Variants in WDR33 observed in about 807,000 individuals in gnomAD.
The protein encoded by WDR33 is WD repeat domain 33.
Under a neutral mutation model 164.9 loss-of-function variants are expected in WDR33, and 47 were observed. The ratio of observed to expected loss-of-function variants is 0.29; its 90% CI spans 0.23 to 0.36. The LOEUF (loss-of-function observed/expected upper bound fraction) is 0.36. Ranked by LOEUF, WDR33 falls within the 10% of genes least tolerant of loss-of-function variation. The pLI is 1.00. For missense variants in WDR33, 1,137 were observed against 1,754.1 expected, an observed-to-expected ratio of 0.65 and a Z score of 6.28; for synonymous variants, 505 against 589.0, an observed-to-expected ratio of 0.86 and a Z score of 2.06.
Position 127,738,341 on chromosome 2 carries a change from T to C in WDR33, c.725-11564A>G, listed in dbSNP as rs141653533. Among the ~76,000 whole-genome samples the C allele has an allele frequency of 7.4e-4, 112 of 152,282 alleles. No homozygotes were observed. In the South Asian group the frequency reaches 0.012, roughly 16 times the overall value. ...AATATCCATTTAGTCCATACTGATATAAGCAAATAACTGAATAAATAAGTG... is the reference window on the plus strand; with the variant it reads ...AATATCCATTTAGTCCATACTGATACAAGCAAATAACTGAATAAATAAGTG... On this transcript the variant is annotated intron_variant, in intron 7 of 21. Coordinates refer to ENST00000322313, the MANE Select transcript of WDR33 (RefSeq NM_018383.5). The surrounding 1 kb of genome is among the most constrained non-coding windows in gnomAD (Gnocchi z 4.4).
At chr2:127,776,148 T>A (rs1200588477) in intron 1 of WDR33, among the ~76,000 whole-genome samples, 1 of 152,160 alleles carries the variant, frequency 6.6e-6, no homozygotes, top group East Asian at 1.9e-4. Flanking sequence ...CCAATCTAAC[T>A]GGTATCCTTT....
intron 7 of WDR33, among the ~76,000 whole-genome samples, chr2:127,729,038 G>A (rs72846249): frequency 9.2e-5 from 14 of 152,336 alleles, no homozygotes; most frequent in Non-Finnish European, 1.6e-4. Context: ...TCAAGCAAGT[G>A]AGGAATCTCA....
Position 127,701,768 on chromosome 2 carries a change from C to T in WDR33, c.*4555G>A. 4.9e-6 allele frequency: 7 copies of T among 1,426,100 alleles called. No homozygotes were observed. The highest frequency in any genetic ancestry group is 6.4e-6 in the Non-Finnish European group (7 of 1,089,792). The allele number at this position is 1,426,100 out of a possible 1,614,324, so 88.3% of individuals were successfully genotyped here. ...CGCGCGGGCAGCGGCTGGCGGCGGG[C>T]GGCGGGTGCCTGCTGCTGGCTGCAC... On this transcript the variant is annotated 3_prime_UTR_variant, in exon 22 of 22. Coordinates refer to ENST00000322313, the MANE Select transcript of WDR33 (RefSeq NM_018383.5).
At chr2:127,752,316 C>G (rs1345133295) in intron 7 of WDR33, among the ~76,000 whole-genome samples, 5 of 152,072 alleles carry the variant, frequency 3.3e-5, no homozygotes, top group African/African-American at 4.8e-5. Context: ...ACCGGCCGGG[C>G]GCGGTGGCTC....
intron 4 of WDR33, among the ~76,000 whole-genome samples, chr2:127,766,249 A>G (rs2105437684): frequency 6.6e-6 from 1 of 152,304 alleles, no homozygotes; most frequent in Non-Finnish European, 1.5e-5. Context: ...CAACAATCCT[A>G]TTTTCCAAAA....
At chr2:127,795,196 G>A (rs1397611731) in intron 1 of WDR33, among the ~76,000 whole-genome samples, 3 of 149,992 alleles carry the variant, frequency 2.0e-5, no homozygotes, top group Non-Finnish European at 4.4e-5. Context: ...TGCCTCTCGG[G>A]TTCAAGCAAT....
rs527396301 is a variant in WDR33 at position 127,709,551 on chromosome 2, G to A, written c.3504C>T (p.Asp1168=). The A allele has an allele frequency of 1.5e-5, 24 of 1,614,078 alleles. No homozygotes were observed. Among genetic ancestry groups the A allele is most frequent in the South Asian group, 4.4e-5 (4 of 91,082 alleles). ...GCCCTCCTTCAAAGCGAGGGAACTC[G>A]TCAGGAGTGGGAAGTAAACCCTTCC... is the stretch of plus-strand genomic sequence containing the variant. The part of the protein sequence containing the change: ...GGRKGLLPTP[D]EFPRFEGGRK... Residue 1168 remains aspartate, a synonymous_variant, in exon 20 of 22, where the codon GAC becomes GAT. Coordinates refer to ENST00000322313, the MANE Select transcript of WDR33 (RefSeq NM_018383.5). This position sits in a 1 kb window ranked among gnomAD's most constrained non-coding sequence, Gnocchi z 5.0.
At position 127,752,003 on chromosome 2, in the gene WDR33, C is replaced by T. The variant is rs142748178; in HGVS notation, c.724+11059G>A. On this transcript the variant is annotated intron_variant, in intron 7 of 21. Transcript: ENST00000322313. ...AAACTGACAAGTTTCACGGGGTGGA[C>T]GCAGAGGGTAACAAGGAGAGTCCAA... Among the ~76,000 whole-genome samples the T allele has an allele frequency of 8.3e-4, 126 of 152,238 alleles. 1 individual carries two copies. Among genetic ancestry groups the T allele is most frequent in the African/African-American group, 3.0e-3 (123 of 41,532 alleles).
Position 127,741,871 on chromosome 2 carries a change from A to C in WDR33, c.725-15094T>G, listed in dbSNP as rs1348230888. Among the ~76,000 whole-genome samples, 10 of 152,202 alleles carry C rather than the reference A, an allele frequency of 6.6e-5. No individual in the cohort carries two copies. On this transcript the variant is annotated intron_variant, in intron 7 of 21. Coordinates refer to ENST00000322313, the MANE Select transcript of WDR33 (RefSeq NM_018383.5). The surrounding 1 kb of genome is among the most constrained non-coding windows in gnomAD (Gnocchi z 4.1). ...AAAATGAAAAGATTAGAGAACCACT[A>C]GAAATTCTTGAAAAGTAAACATGCA...
rs899996890 is a variant in WDR33, at chr2:127,712,052, G to C, written c.3308+1531C>G. On this transcript the variant is annotated intron_variant, in intron 18 of 21. Coordinates refer to ENST00000322313, the MANE Select transcript of WDR33 (RefSeq NM_018383.5). The surrounding 1 kb of genome is among the most constrained non-coding windows in gnomAD (Gnocchi z 4.0). Reference sequence around the variant, plus strand: ...CTCCCAAAGTGCTGGGATTACAAGCGTGAGCCACTGTGCCCGGCCTTAACC... The same window carrying C: ...CTCCCAAAGTGCTGGGATTACAAGCCTGAGCCACTGTGCCCGGCCTTAACC... Among the ~76,000 whole-genome samples, 1 of 151,550 alleles carries C rather than the reference G, an allele frequency of 6.6e-6. No homozygotes were observed. Among genetic ancestry groups the C allele is most frequent in the South Asian group, 2.1e-4 (1 of 4,782 alleles).
intron 1 of WDR33, among the ~76,000 whole-genome samples, chr2:127,779,271 G>A (rs547042592): frequency 1.9e-4 from 29 of 151,882 alleles, no homozygotes; most frequent in Admixed American, 1.5e-3. Flanking sequence ...AGTTCGAGAC[G>A]AGCCTGGCTA....
At chr2:127,711,146 C>T (rs151231346) in intron 18 of WDR33, among the ~76,000 whole-genome samples, 2,126 of 152,266 alleles carry the variant, frequency 0.014, 44 homozygotes, top group African/African-American at 0.047. Flanking sequence ...ACAGGATGGC[C>T]GGGCACAGTG....
chr2:127,749,637 G>A (rs1474081778), intron 7 of WDR33, among the ~76,000 whole-genome samples: 1 of 150,048 alleles, frequency 6.7e-6, no homozygotes, highest in South Asian at 2.1e-4. Flanking sequence ...ACTCCAGCCT[G>A]GGCAACAGAG....
At chr2:127,771,941 C>A (rs1439144187) in intron 1 of WDR33, among the ~76,000 whole-genome samples, 1 of 152,046 alleles carries the variant, frequency 6.6e-6, no homozygotes, top group African/African-American at 2.4e-5. Context: ...TGGATGGGTA[C>A]GTGTTTATGC....
rs1686476109 is a variant in WDR33 at position 127,722,931 on chromosome 2, T to TA, written c.1378+26dup. The TA allele has an allele frequency of 6.3e-7, 1 of 1,576,656 alleles. No homozygotes were observed. The highest frequency in any genetic ancestry group is 1.4e-5 in the African/African-American group (1 of 72,974). On this transcript the variant is annotated intron_variant, in intron 13 of 21. Transcript: ENST00000322313. The surrounding 1 kb of genome is among the most constrained non-coding windows in gnomAD (Gnocchi z 5.1). The stretch of plus-strand genomic sequence containing the variant: ...GGGTCAAGAAAAAATTTGTAAAAAT[T>TA]AAATGTGTCTGTGTAACTTCTCTTA...
intron 1 of WDR33, among the ~76,000 whole-genome samples, chr2:127,775,370 A>G (rs1688153635): frequency 6.6e-6 from 1 of 152,088 alleles, no homozygotes; most frequent in Non-Finnish European, 1.5e-5. Flanking sequence ...TGTCTTTTTA[A>G]TAGAGCCGGG....
chr2:127,777,182 A>T (rs1688215103), intron 1 of WDR33, among the ~76,000 whole-genome samples: 2 of 152,268 alleles, frequency 1.3e-5, no homozygotes, highest in Non-Finnish European at 2.9e-5. Context: ...CACTGAATTC[A>T]TCATGCCTTT....
chr2:127,713,187 G>T lies in WDR33; in HGVS notation c.3308+396C>A, dbSNP rs1275708432. Among the ~76,000 whole-genome samples the T allele has an allele frequency of 6.6e-6, 1 of 152,058 alleles. No individual in the cohort carries two copies. The highest frequency in any genetic ancestry group is 2.4e-5 in the African/African-American group (1 of 41,398). Reference sequence around the variant, plus strand: ...AGTTTAAGTTTGTTAAGATTATTGGGCAATTACACAAAAATTGTATCTATT... The same window carrying T: ...AGTTTAAGTTTGTTAAGATTATTGGTCAATTACACAAAAATTGTATCTATT... On this transcript the variant is annotated intron_variant, in intron 18 of 21. Coordinates refer to ENST00000322313, the MANE Select transcript of WDR33 (RefSeq NM_018383.5). This position sits in a 1 kb window ranked among gnomAD's most constrained non-coding sequence, Gnocchi z 6.2.
At chr2:127,775,626 A>C (rs1391485971) in intron 1 of WDR33, among the ~76,000 whole-genome samples, 1 of 152,370 alleles carries the variant, frequency 6.6e-6, no homozygotes, top group Non-Finnish European at 1.5e-5. Context: ...AATATGAGGA[A>C]AATGACTGAA....
Sources: gnomAD v4.1 joint callset for allele counts (sites outside exome capture counted in the v4.1 genomes callset) on GRCh38, gnomAD v4.1.1 for gene constraint, Gnocchi (gnomAD v3.1) non-coding constraint, MANE v1.5 for transcripts, NCBI Gene and HGNC (gene_info 2026-07-23, HGNC 2026-07-21) for gene names.